The following ERBB4 variants were observed in gnomAD, a reference collection of about 807,000 sequenced individuals.
The protein encoded by ERBB4 is receptor tyrosine-protein kinase erbB-4.
A neutral mutation model predicts 158.0 loss-of-function variants in ERBB4; 42 were observed. That is an observed-to-expected ratio of 0.27 (90% confidence interval 0.21 to 0.34). The LOEUF is 0.34. Among genes scored for constraint, ERBB4 ranks in the 10% least tolerant of loss-of-function variants. The pLI is 1.00. For synonymous variants in ERBB4, 583 were observed against 558.7 expected (o/e 1.04, Z -0.61); for missense variants, 1,333 against 1,624.1 (o/e 0.82, Z 3.08).
chr2:212,470,121 A>T (rs1488338101), intron 1 of ERBB4, among the ~76,000 whole-genome samples: 1 of 152,114 alleles, frequency 6.6e-6, no homozygotes, highest in East Asian at 1.9e-4. Context: ...CTACAAGTAG[A>T]TTATAAATTT....
intron 1 of ERBB4, among the ~76,000 whole-genome samples, chr2:212,323,217 T>A (rs1036186270): frequency 6.6e-6 from 1 of 150,636 alleles, no homozygotes; most frequent in African/African-American, 2.4e-5. Context: ...TAAATTATTA[T>A]GAGATTCATG....
intron 1 of ERBB4, among the ~76,000 whole-genome samples, chr2:212,352,883 A>C (rs2089311457): frequency 6.6e-6 from 1 of 152,126 alleles, no homozygotes; most frequent in African/African-American, 2.4e-5. Context: ...AAATAAAATA[A>C]AACAAAATAA....
intron 3 of ERBB4, among the ~76,000 whole-genome samples, chr2:211,865,266 T>C (rs763286380): frequency 6.6e-6 from 1 of 151,706 alleles, no homozygotes; most frequent in African/African-American, 2.4e-5. Flanking sequence ...GCTTAGGAGA[T>C]TGGAAAAAAC....
intron 1 of ERBB4, among the ~76,000 whole-genome samples, chr2:212,238,734 G>A (rs933538682): frequency 6.6e-6 from 1 of 151,994 alleles, no homozygotes; most frequent in African/African-American, 2.4e-5. Context: ...TAATTTTTAA[G>A]CAACGAGTTT....
intron 4 of ERBB4, among the ~76,000 whole-genome samples, chr2:211,758,145 A>G (rs1363208423): frequency 1.3e-5 from 2 of 152,212 alleles, no homozygotes; most frequent in Non-Finnish European, 2.9e-5. Flanking sequence ...ATAACCTAAT[A>G]CATATTATGC....
intron 20 of ERBB4, among the ~76,000 whole-genome samples, chr2:211,556,569 C>G (rs2067242877): frequency 6.6e-6 from 1 of 151,870 alleles, no homozygotes; most frequent in Non-Finnish European, 1.5e-5. Flanking sequence ...TTACAGGGTA[C>G]AGAATATACA....
chr2:212,349,957 GA>G (rs1360618607), intron 1 of ERBB4, among the ~76,000 whole-genome samples: 2 of 151,744 alleles, frequency 1.3e-5, no homozygotes, highest in African/African-American at 4.8e-5. Context: ...ATTTGTCCTT[GA>G]AAAAAACAAC....
chr2:212,444,252 C>T (rs933104955), intron 1 of ERBB4, among the ~76,000 whole-genome samples: 1 of 152,204 alleles, frequency 6.6e-6, no homozygotes, highest in African/African-American at 2.4e-5. Context: ...TGTAGCACTA[C>T]AGCTCCTTTC....
intron 25 of ERBB4, 108 bp downstream of exon 25, chr2:211,420,333 C>G: frequency 1.3e-6 from 1 of 794,036 alleles, no homozygotes. Flanking sequence ...ATCTAGGCAT[C>G]ACATTGATTT....
In ERBB4 at chr2:211,381,515, C is replaced by A. The variant is rs372276047; in HGVS notation, c.*2100G>T. On this transcript the variant is annotated 3_prime_UTR_variant, in exon 28 of 28. Coordinates refer to ENST00000342788, the MANE Select transcript of ERBB4 (RefSeq NM_005235.3). Reference sequence around the variant, plus strand: ...CTATTCACAAAAGAGACTATGCAATCTGATTGTTGGAACGCATAGAAAAAT... The same window carrying A: ...CTATTCACAAAAGAGACTATGCAATATGATTGTTGGAACGCATAGAAAAAT... 1.3e-5 allele frequency: 3 copies of A among 231,470 alleles called. No homozygotes were observed. The highest frequency in any genetic ancestry group is 1.2e-4 in the East Asian group (2 of 16,310). The allele number at this position is 231,470 out of a possible 1,614,324, so 14.3% of individuals were successfully genotyped here.
intron 1 of ERBB4, among the ~76,000 whole-genome samples, chr2:212,155,654 G>A (rs1280926991): frequency 6.6e-6 from 1 of 151,778 alleles, no homozygotes; most frequent in Admixed American, 6.6e-5. Flanking sequence ...GCTTGAGATG[G>A]GAAAAAAATA....
chr2:212,416,340 TGTAC>T (rs1376442876), intron 1 of ERBB4, among the ~76,000 whole-genome samples: 1 of 152,140 alleles, frequency 6.6e-6, no homozygotes, highest in Non-Finnish European at 1.5e-5. Flanking sequence ...TGTACAATAG[TGTAC>T]TGTTTGCAAC....
At chr2:211,441,891 C>T (rs2063986708) in intron 20 of ERBB4, among the ~76,000 whole-genome samples, 1 of 152,128 alleles carries the variant, frequency 6.6e-6, no homozygotes, top group African/African-American at 2.4e-5. Flanking sequence ...ATACTCATTC[C>T]ATAAAGGCTC....
chr2:212,044,121 G>C (rs1050314896), intron 2 of ERBB4, among the ~76,000 whole-genome samples: 1 of 151,934 alleles, frequency 6.6e-6, no homozygotes, highest in Non-Finnish European at 1.5e-5. Flanking sequence ...AATTTAATTA[G>C]TGTCCAACTT....
At chr2:211,982,553 A>G (rs906766080) in intron 2 of ERBB4, among the ~76,000 whole-genome samples, 20 of 152,198 alleles carry the variant, frequency 1.3e-4, no homozygotes, top group African/African-American at 4.6e-4. Flanking sequence ...CTAGAGCAAG[A>G]CCGCACAGCC....
At chr2:212,389,731 T>C (rs2090792782) in intron 1 of ERBB4, among the ~76,000 whole-genome samples, 1 of 152,014 alleles carries the variant, frequency 6.6e-6, no homozygotes, top group Non-Finnish European at 1.5e-5. Context: ...GAGCATATAT[T>C]GTGTACTTGG....
At chr2:212,457,742 C>T (rs187453205) in intron 1 of ERBB4, among the ~76,000 whole-genome samples, 11 of 152,068 alleles carry the variant, frequency 7.2e-5, no homozygotes, top group Non-Finnish European at 1.2e-4. Context: ...AGATAACTTC[C>T]TGGTAAAGAG....
At chr2:212,017,991 T>C (rs886804135) in intron 2 of ERBB4, among the ~76,000 whole-genome samples, 4 of 152,062 alleles carry the variant, frequency 2.6e-5, no homozygotes, top group African/African-American at 7.2e-5. Context: ...GACAACCATA[T>C]GGGAGATCAA....
chr2:211,656,274 G>A (rs1205411449), intron 16 of ERBB4, among the ~76,000 whole-genome samples: 1 of 152,134 alleles, frequency 6.6e-6, no homozygotes, highest in Admixed American at 6.5e-5. Flanking sequence ...TTACAATTAT[G>A]TTTTGTGTAC....
Sources: gnomAD v4.1 joint callset for allele counts (sites outside exome capture counted in the v4.1 genomes callset) on GRCh38, gnomAD v4.1.1 for gene constraint, MANE v1.5 for transcripts, NCBI Gene and HGNC (gene_info 2026-07-23, HGNC 2026-07-21) for gene names.